DNAI2: variants seen among roughly 807,000 people sequenced by gnomAD.
DNAI2 encodes the protein dynein axonemal intermediate chain 2, also known as dynein, axonemal, intermediate polypeptide 2.
Under a neutral mutation model 74.7 loss-of-function variants are expected in DNAI2, and 63 were observed. That is an observed-to-expected ratio of 0.84 (90% CI 0.69 to 1.04). The LOEUF (loss-of-function observed/expected upper bound fraction) is 1.04. Ranked by LOEUF, DNAI2 falls within the 50% of genes least tolerant of loss-of-function variation. The pLI, the probability that DNAI2 is intolerant of heterozygous loss-of-function variation, is 0.00. For missense variants in DNAI2, 688 were observed against 803.2 expected, an observed-to-expected ratio of 0.86 and a Z score of 1.73; for synonymous variants, 289 against 314.9, an observed-to-expected ratio of 0.92 and a Z score of 0.87.
chr17:74,301,371 C>CA (rs2052750989), intron 8 of DNAI2, among the ~76,000 whole-genome samples: 2 of 152,308 alleles, frequency 1.3e-5, no homozygotes, highest in South Asian at 4.1e-4. Flanking sequence ...AGAAGGACAC[C>CA]ATAGTCATCA....
rs752924362 is a variant in DNAI2 at position 74,309,345 on chromosome 17, G to A, written c.1304G>A (p.Trp435Ter). 107 of 1,614,048 alleles carry A rather than the reference G, an allele frequency of 6.6e-5. No individual in the cohort carries two copies. Among genetic ancestry groups the A allele is most frequent in the Non-Finnish European group, 1.3e-5 (15 of 1,180,050 alleles). Reference protein sequence around the residue: ...TTRMDGTLDIWDFMFEQCDPT... With the variant: ...TTRMDGTLDI ...AGGATGGACGGAACCCTGGATATCTGGGACTTCATGTTCGAGCAGTGCGAT... is the reference window on the plus strand; with the variant it reads ...AGGATGGACGGAACCCTGGATATCTAGGACTTCATGTTCGAGCAGTGCGAT... Residue 435 changes from tryptophan to a stop codon, truncating the protein, a stop_gained, in exon 10 of 14, where the codon TGG becomes TAG. Transcript: ENST00000311014. LOFTEE classifies it high-confidence loss of function.
chr17:74,281,908 A>C lies in DNAI2; in HGVS notation c.91A>C (p.Ile31Leu). ...CCGCCAGGCCGAGCTGAACATCGAC[A>C]TCATGCCCAACCCTGAGCTGGCCGA... ...SDRQAELNID[I>L]MPNPELAEQF... The change falls in exon 2 of 14, where the codon ATC (isoleucine) becomes CTC (leucine). Residue 31 changes from isoleucine (I) to leucine (L), a missense_variant. Ile to Leu is a conservative substitution (Grantham distance 5). Coordinates refer to ENST00000311014, the MANE Select transcript of DNAI2 (RefSeq NM_023036.6). 1 of 1,614,178 alleles carries C rather than the reference A, an allele frequency of 6.2e-7. No homozygotes were observed. Among genetic ancestry groups the C allele is most frequent in the Non-Finnish European group, 8.5e-7 (1 of 1,180,038 alleles).
chr17:74,286,933 G>A, intron 3 of DNAI2, 44 bp from the exon 4 acceptor site: 1 of 1,613,202 alleles, frequency 6.2e-7, no homozygotes, highest in South Asian at 1.1e-5. Flanking sequence ...CAATCTGAAA[G>A]GACCTCCATT....
At chr17:74,279,356 G>A (rs2051266844) in intron 1 of DNAI2, among the ~76,000 whole-genome samples, 1 of 152,094 alleles carries the variant, frequency 6.6e-6, no homozygotes, top group South Asian at 2.1e-4. Context: ...TAACACAAAG[G>A]ATAAATGCTT....
chr17:74,297,211 G>C (rs913482956), intron 6 of DNAI2, among the ~76,000 whole-genome samples: 1 of 148,006 alleles, frequency 6.8e-6, no homozygotes, highest in African/African-American at 2.5e-5. Flanking sequence ...TCAGCCTCCC[G>C]AGTAGCTGGG....
intron 9 of DNAI2, chr17:74,307,139 A>C: frequency 2.3e-6 from 1 of 430,790 alleles, no homozygotes; most frequent in Non-Finnish European, 4.6e-6. Flanking sequence ...GCCTCATAGC[A>C]AGTAGGGGGT....
intron 6 of DNAI2, among the ~76,000 whole-genome samples, chr17:74,295,831 T>C (rs2052392105): frequency 6.6e-6 from 1 of 152,184 alleles, no homozygotes. Flanking sequence ...CCACTTATAG[T>C]CTCTGCTTAG....
intron 12 of DNAI2, chr17:74,313,739 G>T (rs544535079): frequency 1.1e-5 from 3 of 278,970 alleles, no homozygotes; most frequent in Non-Finnish European, 1.4e-5. Flanking sequence ...AAAGTACCGC[G>T]TGGTACTGAA....
chr17:74,285,970 T>TATAGAG (rs1292164464), intron 3 of DNAI2, among the ~76,000 whole-genome samples: 10 of 146,830 alleles, frequency 6.8e-5, no homozygotes, highest in East Asian at 4.0e-4. Context: ...TATATATATA[T>TATAGAG]AGAGAGAGAG....
intron 13 of DNAI2, 69 bp downstream of exon 13, chr17:74,314,340 A>G: frequency 6.4e-7 from 1 of 1,574,148 alleles, no homozygotes; most frequent in Non-Finnish European, 8.7e-7. Flanking sequence ...GTGGGCTGGG[A>G]GCATCGGGCC....
At chr17:74,281,013 G>A (rs1273608016) in intron 1 of DNAI2, among the ~76,000 whole-genome samples, 4 of 150,322 alleles carry the variant, frequency 2.7e-5, no homozygotes, top group Non-Finnish European at 4.4e-5. Context: ...ACTTGAGCCC[G>A]GGGGTTGAGG....
intron 4 of DNAI2, among the ~76,000 whole-genome samples, chr17:74,287,579 G>A (rs2051827983): frequency 6.6e-6 from 1 of 152,172 alleles, no homozygotes; most frequent in Non-Finnish European, 1.5e-5. Flanking sequence ...CCAAAGACTA[G>A]AACAAGCTAA....
At chr17:74,309,876 G>A in intron 10 of DNAI2, 141 bp from the exon 11 acceptor site, 1 of 1,125,054 alleles carries the variant, frequency 8.9e-7, no homozygotes, top group East Asian at 2.5e-5. Context: ...CTCCGAGTTT[G>A]AACTTCATCC....
chr17:74,296,346 G>GGAGAGAGAGAGAGAGAGA (rs1555611113), intron 6 of DNAI2, among the ~76,000 whole-genome samples: 1,083 of 82,398 alleles, frequency 0.013, 10 homozygotes, highest in Non-Finnish European at 0.021. Flanking sequence ...GAGAGAGAGA[G>GGAGAGAGAGAGAGAGAGA]GAGAGAGAGA....
chr17:74,287,069 C>A lies in DNAI2; in HGVS notation c.438C>A (p.Asp146Glu), dbSNP rs765191292. 6.2e-7 allele frequency: 1 copy of A among 1,613,882 alleles called. No homozygotes were observed. Among genetic ancestry groups the A allele is most frequent in the African/African-American group, 1.3e-5 (1 of 75,030 alleles). The part of the protein sequence containing the change: ...DEEAMEVMEE[D>E]PSAKTINVFR... ...AGGCCATGGAAGTGATGGAGGAGGA[C>A]CCTTCAGCTAAAACCATCAATGTGT... The change falls in exon 4 of 14, where the codon GAC (aspartate) becomes GAA (glutamate). Residue 146 changes from aspartate (D) to glutamate (E), a missense_variant. Coordinates refer to ENST00000311014, the MANE Select transcript of DNAI2 (RefSeq NM_023036.6).
chr17:74,307,928 G>C (rs1416901452), intron 9 of DNAI2, among the ~76,000 whole-genome samples: 1 of 151,812 alleles, frequency 6.6e-6, no homozygotes, highest in East Asian at 1.9e-4. Flanking sequence ...CTCCTGAGTA[G>C]CTGGGATTAC....
At chr17:74,274,678 G>GA (rs1304394823) in intron 1 of DNAI2, among the ~76,000 whole-genome samples, 2 of 151,756 alleles carry the variant, frequency 1.3e-5, no homozygotes, top group African/African-American at 2.4e-5. Context: ...TGAATGGATG[G>GA]AAAAAAAAGA....
At chr17:74,304,179 C>CTTTTTTT (rs1274454696) in intron 8 of DNAI2, among the ~76,000 whole-genome samples, 2 of 101,940 alleles carry the variant, frequency 2.0e-5, no homozygotes, top group Admixed American at 1.0e-4. Flanking sequence ...TTTTCTTTTT[C>CTTTTTTT]TTTTTTCTTT....
At chr17:74,297,456 T>A (rs1282457980) in intron 6 of DNAI2, among the ~76,000 whole-genome samples, 2 of 149,688 alleles carry the variant, frequency 1.3e-5, no homozygotes, top group African/African-American at 5.0e-5. Context: ...AGTGGTGTGA[T>A]CTCAGCTCAC....
Sources: gnomAD v4.1 joint callset for allele counts (sites outside exome capture counted in the v4.1 genomes callset) on GRCh38, gnomAD v4.1.1 for gene constraint, MANE v1.5 for transcripts, NCBI Gene and HGNC (gene_info 2026-07-23, HGNC 2026-07-21) for gene names.